Variants in TCF7L1 observed in about 807,000 individuals in gnomAD.
The protein encoded by TCF7L1 is transcription factor 7 like 1, also known as transcription factor 7-like 1.
TCF7L1 carries 18 observed loss-of-function variants against 63.7 expected under a neutral mutation model. The ratio of observed to expected loss-of-function variants is 0.28; its 90% CI spans 0.20 to 0.42. The LOEUF is 0.42. Among genes scored for constraint, TCF7L1 ranks in the 10% least tolerant of loss-of-function variants. TCF7L1 has a pLI of 1.00. For missense variants in TCF7L1, 654 were observed against 779.3 expected (o/e 0.84, Z 1.91); for synonymous variants, 355 against 340.9 (o/e 1.04, Z -0.46).
chr2:85,241,444 T>G lies in TCF7L1; in HGVS notation c.442-42051T>G, dbSNP rs1244623884. 1.5e-3 allele frequency among the ~76,000 whole-genome samples: 194 copies of G among 125,798 alleles called. 1 individual carries two copies. In the South Asian group the frequency reaches 0.03, roughly 19 times the overall value. 82.5% of individuals were successfully genotyped at this position (125,798 alleles called of 152,430 possible). A position where few individuals can be genotyped will look rare whatever the true frequency, so the allele number is the denominator to read the frequency against. ...TGGATGCACTTTGTTTTTGTTTTTT[T>G]TTTTTTTTTTTTTTTTTTTTTGAGA... On this transcript the variant is annotated intron_variant, in intron 3 of 11. Transcript: ENST00000282111.
At chr2:85,286,371 C>CAA (rs113858161) in intron 4 of TCF7L1, among the ~76,000 whole-genome samples, 1 of 118,324 alleles carries the variant, frequency 8.5e-6, no homozygotes, top group African/African-American at 4.0e-5. Flanking sequence ...AACAAACAAA[C>CAA]AAAAAAAAAA....
At chr2:85,179,875 T>G (rs1443615785) in intron 3 of TCF7L1, among the ~76,000 whole-genome samples, 1 of 152,242 alleles carries the variant, frequency 6.6e-6, no homozygotes, top group Non-Finnish European at 1.5e-5. Context: ...TCATCACTAT[T>G]GTTAGTTGCT....
chr2:85,260,643 C>CA (rs112797871), intron 3 of TCF7L1, among the ~76,000 whole-genome samples: 61,385 of 141,246 alleles, frequency 0.43, 13,554 homozygotes, highest in Non-Finnish European at 0.52. Context: ...GACCCTATCT[C>CA]AAAAAAAAAA....
intron 3 of TCF7L1, among the ~76,000 whole-genome samples, chr2:85,200,796 A>G (rs943734460): frequency 6.6e-6 from 1 of 152,176 alleles, no homozygotes; most frequent in African/African-American, 2.4e-5. Flanking sequence ...TCACATAGAG[A>G]TCACTAGCAT....
At chr2:85,209,976 GTAAAC>G (rs1679507561) in intron 3 of TCF7L1, among the ~76,000 whole-genome samples, 1 of 152,252 alleles carries the variant, frequency 6.6e-6, no homozygotes, top group East Asian at 1.9e-4. Context: ...GTGTCTCTTG[GTAAAC>G]TCTAAGGCAA....
intron 3 of TCF7L1, among the ~76,000 whole-genome samples, chr2:85,248,592 T>C (rs1680522536): frequency 6.6e-6 from 1 of 152,282 alleles, no homozygotes; most frequent in Admixed American, 6.5e-5. Context: ...ACAACATTTG[T>C]TTAATTTTTA....
intron 3 of TCF7L1, among the ~76,000 whole-genome samples, chr2:85,154,355 TTAAG>T (rs1484039480): frequency 6.6e-6 from 1 of 152,220 alleles, no homozygotes; most frequent in Non-Finnish European, 1.5e-5. Context: ...TAGTGCCTCT[TTAAG>T]TACTTCCCAG....
chr2:85,149,626 G>A (rs1471427596), intron 3 of TCF7L1, among the ~76,000 whole-genome samples: 1 of 151,928 alleles, frequency 6.6e-6, no homozygotes, highest in Admixed American at 6.6e-5. Flanking sequence ...CCGGGTTCAC[G>A]CCATTCTCCC....
chr2:85,242,104 G>T (rs1163604577), intron 3 of TCF7L1, among the ~76,000 whole-genome samples: 1 of 152,156 alleles, frequency 6.6e-6, no homozygotes, highest in Non-Finnish European at 1.5e-5. Flanking sequence ...AGAAGCCAGT[G>T]AGAACTTCTT....
chr2:85,239,380 C>G (rs1017652525), intron 3 of TCF7L1, among the ~76,000 whole-genome samples: 5 of 152,304 alleles, frequency 3.3e-5, no homozygotes, highest in African/African-American at 1.2e-4. Flanking sequence ...CATCCCTCCC[C>G]CTCATGCTGG....
rs1682227100 is a variant in TCF7L1 at position 85,309,601 on chromosome 2, T to C, written c.*139T>C. On this transcript the variant is annotated 3_prime_UTR_variant, in exon 12 of 12. Coordinates refer to ENST00000282111, the MANE Select transcript of TCF7L1 (RefSeq NM_031283.3). ...AAAGTGGCTGGTAACAACAGCACTT[T>C]ACAGTTTGTAGATGTAACCAGTAGC... The C allele has an allele frequency of 1.3e-6, 1 of 785,524 alleles. No homozygotes were observed. The highest frequency in any genetic ancestry group is 1.9e-6 in the Non-Finnish European group (1 of 540,352). The allele number at this position is 785,524 out of a possible 1,614,324, so 48.7% of individuals were successfully genotyped here.
chr2:85,142,954 G>A (rs1165083736), intron 3 of TCF7L1, among the ~76,000 whole-genome samples: 1 of 152,188 alleles, frequency 6.6e-6, no homozygotes, highest in Non-Finnish European at 1.5e-5. Context: ...CCTTTTCATT[G>A]TGTGCATAAT....
Position 85,155,613 on chromosome 2 carries a change from C to G in TCF7L1, c.441+21163C>G, listed in dbSNP as rs146132913. ...GTACTTCATTTTCAAGTACAAATCACTAGAATACTATAGATCTTCATAATT... is the reference window on the plus strand; with the variant it reads ...GTACTTCATTTTCAAGTACAAATCAGTAGAATACTATAGATCTTCATAATT... On this transcript the variant is annotated intron_variant, in intron 3 of 11. Coordinates refer to ENST00000282111, the MANE Select transcript of TCF7L1 (RefSeq NM_031283.3). Among the ~76,000 whole-genome samples, 517 of 152,300 alleles carry G rather than the reference C, an allele frequency of 3.4e-3. 4 individuals are homozygous for G. Among genetic ancestry groups the G allele is most frequent in the Non-Finnish European group, 3.8e-3 (261 of 68,026 alleles).
chr2:85,216,272 C>G (rs976524107), intron 3 of TCF7L1, among the ~76,000 whole-genome samples: 3 of 152,168 alleles, frequency 2.0e-5, no homozygotes, highest in African/African-American at 7.2e-5. Flanking sequence ...TTTTTCCCCC[C>G]ATCCCCCACC....
intron 3 of TCF7L1, among the ~76,000 whole-genome samples, chr2:85,171,436 C>A (rs575882875): frequency 6.6e-6 from 1 of 152,344 alleles, no homozygotes; most frequent in East Asian, 1.9e-4. Flanking sequence ...GAATCCACAA[C>A]AACTTCTAGG....
At chr2:85,282,794 T>TGTGTG (rs1681448243) in intron 3 of TCF7L1, among the ~76,000 whole-genome samples, 10 of 119,222 alleles carry the variant, frequency 8.4e-5, no homozygotes, top group East Asian at 8.1e-4. Flanking sequence ...GAGAGAGAGA[T>TGTGTG]TGTGTGTGTG....
chr2:85,208,283 G>A (rs1229244594), intron 3 of TCF7L1, among the ~76,000 whole-genome samples: 1 of 152,140 alleles, frequency 6.6e-6, no homozygotes, highest in Non-Finnish European at 1.5e-5. Context: ...GTAAGTGGAG[G>A]AACATCTGTA....
At chr2:85,261,035 A>G (rs1215085770) in intron 3 of TCF7L1, among the ~76,000 whole-genome samples, 1 of 151,470 alleles carries the variant, frequency 6.6e-6, no homozygotes, top group Non-Finnish European at 1.5e-5. Flanking sequence ...ATTTCTCATT[A>G]GTATCTTTGT....
intron 3 of TCF7L1, among the ~76,000 whole-genome samples, chr2:85,255,420 C>T (rs920265986): frequency 6.6e-6 from 1 of 152,164 alleles, no homozygotes; most frequent in African/African-American, 2.4e-5. Flanking sequence ...CACCTGCACA[C>T]AAGGGAATAG....
Sources: gnomAD v4.1 joint callset for allele counts (sites outside exome capture counted in the v4.1 genomes callset) on GRCh38, gnomAD v4.1.1 for gene constraint, MANE v1.5 for transcripts, NCBI Gene and HGNC (gene_info 2026-07-23, HGNC 2026-07-21) for gene names.